The following PDE1C variants were observed in gnomAD, a reference collection of about 807,000 sequenced individuals.
PDE1C encodes phosphodiesterase 1C.
A neutral mutation model predicts 93.1 loss-of-function variants in PDE1C; 62 were observed. The ratio of observed to expected loss-of-function variants is 0.67; its 90% CI spans 0.54 to 0.82. The LOEUF is 0.82. PDE1C is among the 40% of genes least tolerant of loss of function. The pLI is 0.00. For missense variants in PDE1C, 742 were observed against 884.6 expected, an observed-to-expected ratio of 0.84 and a Z score of 2.04; for synonymous variants, 325 against 310.1, an observed-to-expected ratio of 1.05 and a Z score of -0.50.
chr7:32,077,324 A>G (rs766115537), intron 3 of PDE1C, among the ~76,000 whole-genome samples: 6 of 152,328 alleles, frequency 3.9e-5, no homozygotes, highest in East Asian at 1.9e-4. Flanking sequence ...TGCTTCTTCC[A>G]TCTCATCCAT....
intron 2 of PDE1C, among the ~76,000 whole-genome samples, chr7:31,931,058 C>T (rs913233774): frequency 6.6e-6 from 1 of 151,990 alleles, no homozygotes; most frequent in African/African-American, 2.4e-5. Context: ...TAAAAGCACT[C>T]AACAAACTAG....
At chr7:32,350,260 A>ACCTC (rs1783937181) in intron 1 of PDE1C, among the ~76,000 whole-genome samples, 1 of 151,468 alleles carries the variant, frequency 6.6e-6, no homozygotes, top group Non-Finnish European at 1.5e-5. Context: ...ATTCCCATTA[A>ACCTC]CCTCCCTCCC....
rs114203342 is a variant in PDE1C at position 31,881,336 on chromosome 7, G to A, written c.129-476C>T. 1.5e-3 allele frequency among the ~76,000 whole-genome samples: 235 copies of A among 152,100 alleles called. 1 individual carries two copies. The highest frequency in any genetic ancestry group is 5.5e-3 in the African/African-American group (229 of 41,524). On this transcript the variant is annotated intron_variant, in intron 2 of 17. Transcript: ENST00000396191. ...ATAAACCACTGAGAACCACAAGAGG[G>A]CTACAGAAGGAATAGATGAAAGTAA...
chr7:32,191,970 C>A (rs1390753315), intron 2 of PDE1C, among the ~76,000 whole-genome samples: 1 of 152,016 alleles, frequency 6.6e-6, no homozygotes, highest in Non-Finnish European at 1.5e-5. Context: ...TGCATTTTCC[C>A]TTTTCATATC....
At chr7:32,318,697 G>A (rs1783222968) in intron 1 of PDE1C, among the ~76,000 whole-genome samples, 1 of 152,212 alleles carries the variant, frequency 6.6e-6, no homozygotes, top group Admixed American at 6.5e-5. Context: ...GCGCGCGTGA[G>A]CAGGAATAAA....
chr7:31,914,844 G>A (rs544258063), intron 2 of PDE1C, among the ~76,000 whole-genome samples: 33 of 152,052 alleles, frequency 2.2e-4, no homozygotes, highest in Non-Finnish European at 4.1e-4. Flanking sequence ...TAATTATGAA[G>A]GGCATCATTA....
At chr7:32,010,565 ATC>A (rs1340661444) in intron 2 of PDE1C, among the ~76,000 whole-genome samples, 1 of 152,242 alleles carries the variant, frequency 6.6e-6, no homozygotes, top group Non-Finnish European at 1.5e-5. Flanking sequence ...GTAGGAGAAA[ATC>A]TCTGTGACAC....
the PDE1C span, among the ~76,000 whole-genome samples, chr7:31,741,521 CTA>C: frequency 6.6e-6 from 1 of 152,100 alleles, no homozygotes; most frequent in African/African-American, 2.4e-5. Context: ...TTTCATTCTA[CTA>C]TGTTTTAACT....
Position 32,405,285 on chromosome 7 carries a change from C to G in PDE1C, c.310+22537G>C, listed in dbSNP as rs148778228. On this transcript the variant is annotated intron_variant, in intron 1 of 1. Coordinates refer to the PDE1C transcript ENST00000672256. ...TTTTTTTTTGAGATGGAATTTCACT[C>G]TTGTCACCCAAGCTGGAGTGCAATG... Among the ~76,000 whole-genome samples the G allele has an allele frequency of 2.9e-3, 403 of 139,990 alleles. 3 individuals are homozygous for G. The highest frequency in any genetic ancestry group is 5.2e-3 in the Admixed American group (71 of 13,528). The allele number at this position is 139,990 out of a possible 152,430, so 91.8% of individuals were successfully genotyped here.
At chr7:31,807,091 A>T (rs1383614223) in intron 16 of PDE1C, among the ~76,000 whole-genome samples, 1 of 151,858 alleles carries the variant, frequency 6.6e-6, no homozygotes, top group African/African-American at 2.4e-5. Context: ...AAGTCACTGA[A>T]GCTCAATGCT....
At chr7:32,245,043 G>A (rs1808822710) in intron 1 of PDE1C, among the ~76,000 whole-genome samples, 1 of 152,188 alleles carries the variant, frequency 6.6e-6, no homozygotes, top group African/African-American at 2.4e-5. Context: ...ACTGGGCCAG[G>A]CCTTCATAAC....
intron 12 of PDE1C, among the ~76,000 whole-genome samples, chr7:31,827,279 C>A (rs67885674): frequency 0.14 from 21,329 of 152,034 alleles, 2,575 homozygotes; most frequent in African/African-American, 0.33. Flanking sequence ...TCTACCCACC[C>A]CTAGCTCACC....
At chr7:31,941,007 CACATG>C (rs973153381) in intron 2 of PDE1C, among the ~76,000 whole-genome samples, 9 of 151,958 alleles carry the variant, frequency 5.9e-5, no homozygotes, top group African/African-American at 2.2e-4. Context: ...CTCATTTCTG[CACATG>C]ACAGATTAAA....
intron 1 of PDE1C, among the ~76,000 whole-genome samples, chr7:32,361,547 G>C (rs551745089): frequency 1.3e-5 from 2 of 152,122 alleles, no homozygotes; most frequent in African/African-American, 4.8e-5. Flanking sequence ...CCTGACCCTC[G>C]CACATGCCAC....
intron 17 of PDE1C, among the ~76,000 whole-genome samples, chr7:31,772,574 AT>A (rs143907823): frequency 0.13 from 19,717 of 149,038 alleles, 1,600 homozygotes; most frequent in Non-Finnish European, 0.18. Flanking sequence ...TAAAAGATAT[AT>A]TTTTTTATTA....
chr7:31,847,850 A>G (rs952301206), intron 9 of PDE1C, 118 bp downstream of exon 9: 2 of 1,053,816 alleles, frequency 1.9e-6, no homozygotes, highest in African/African-American at 3.1e-5. Flanking sequence ...AGAAAGAGAG[A>G]GAAAGCAACA....
At chr7:32,100,110 C>T (rs544236301) in intron 3 of PDE1C, among the ~76,000 whole-genome samples, 2 of 152,302 alleles carry the variant, frequency 1.3e-5, no homozygotes, top group Non-Finnish European at 2.9e-5. Flanking sequence ...CCATCCCATG[C>T]CCAGTGTCTA....
At chr7:31,755,438 A>G (rs1425735338) in intron 17 of PDE1C, among the ~76,000 whole-genome samples, 1 of 152,166 alleles carries the variant, frequency 6.6e-6, no homozygotes, top group Non-Finnish European at 1.5e-5. Context: ...TACTGCCCTG[A>G]TCTTGGTTTC....
chr7:32,024,956 A>G (rs1164636097), intron 2 of PDE1C, among the ~76,000 whole-genome samples: 1 of 152,146 alleles, frequency 6.6e-6, no homozygotes, highest in Non-Finnish European at 1.5e-5. Context: ...TGATGTCTTC[A>G]AGTACCAGCC....
Sources: gnomAD v4.1 joint callset for allele counts (sites outside exome capture counted in the v4.1 genomes callset) on GRCh38, gnomAD v4.1.1 for gene constraint, MANE v1.5 for transcripts, NCBI Gene and HGNC (gene_info 2026-07-23, HGNC 2026-07-21) for gene names.